Variants in CTTN observed in about 807,000 individuals in gnomAD.
CTTN encodes src substrate cortactin.
Under a neutral mutation model 84.0 loss-of-function variants are expected in CTTN, and 28 were observed. That is an observed-to-expected ratio of 0.33 (90% CI 0.25 to 0.46). The LOEUF is 0.46. Among genes scored for constraint, CTTN ranks in the 20% least tolerant of loss-of-function variants. The pLI, the probability that CTTN is intolerant of heterozygous loss-of-function variation, is 1.00. For synonymous variants in CTTN, 301 were observed against 288.8 expected (o/e 1.04, Z -0.43); for missense variants, 641 against 723.8 (o/e 0.89, Z 1.31).
At chr11:70,414,415 T>G in intron 5 of CTTN, 127 bp from the exon 6 acceptor site, 12 of 600,070 alleles carry the variant, frequency 2.0e-5, no homozygotes, top group Admixed American at 3.0e-5. Context: ...GCTCCCCAGA[T>G]GGGTGTGTTA....
Position 70,431,113 on chromosome 11 carries a change from G to A in CTTN, c.1177-78G>A, listed in dbSNP as rs551814089. 1.7e-5 allele frequency: 25 copies of A among 1,437,148 alleles called. No individual in the cohort carries two copies. In the East Asian group the frequency reaches 1.8e-4, roughly 10 times the overall value. 89.0% of individuals were successfully genotyped at this position (1,437,148 alleles called of 1,614,324 possible). ...CAGAGCATGCCTAGAGCTTGCACAC[G>A]ATCTTCTGAAACACGGCAGGCGTGA... On this transcript the variant is annotated intron_variant, in intron 14 of 17. Transcript: ENST00000301843.
chr11:70,424,463 C>G (rs921735016), intron 12 of CTTN, among the ~76,000 whole-genome samples: 2 of 151,968 alleles, frequency 1.3e-5, no homozygotes, highest in African/African-American at 4.8e-5. Flanking sequence ...GAGTCCAAGG[C>G]TTAGAGAGGG....
intron 14 of CTTN, among the ~76,000 whole-genome samples, chr11:70,429,980 G>A (rs559662527): frequency 6.6e-6 from 1 of 152,290 alleles, no homozygotes; most frequent in Admixed American, 6.5e-5. Flanking sequence ...CCCCTGCAGG[G>A]CCACACAGGA....
Position 70,417,137 on chromosome 11 carries a change from C to T in CTTN, c.568+14C>T. On this transcript the variant is annotated intron_variant, in intron 8 of 17. Coordinates refer to ENST00000301843, the MANE Select transcript of CTTN (RefSeq NM_005231.4). The stretch of plus-strand genomic sequence containing the variant: ...AGTCACAGAGAGGTGGGGCGGACCC[C>T]ACGGTCTGTAATCACGCGTTTGCTC... The T allele has an allele frequency of 6.2e-7, 1 of 1,602,308 alleles. No individual in the cohort carries two copies.
At chr11:70,427,066 T>C (rs1230688390) in intron 13 of CTTN, among the ~76,000 whole-genome samples, 3 of 150,314 alleles carry the variant, frequency 2.0e-5, no homozygotes, top group Non-Finnish European at 4.4e-5. Context: ...AGAATAAACC[T>C]TGGCCGGGTG....
intron 5 of CTTN, among the ~76,000 whole-genome samples, chr11:70,413,870 C>G (rs2058123976): frequency 6.6e-6 from 1 of 152,126 alleles, no homozygotes; most frequent in Non-Finnish European, 1.5e-5. Flanking sequence ...CACAGAGGTC[C>G]CACTTCAGTA....
At chr11:70,414,378 CTCCCAGGAG>C (rs1359869342) in intron 5 of CTTN, among the ~76,000 whole-genome samples, 155 bp from the exon 6 acceptor site, 1 of 151,564 alleles carries the variant, frequency 6.6e-6, no homozygotes, top group Non-Finnish European at 1.5e-5. Flanking sequence ...GGACCCGGGC[CTCCCAGGAG>C]TCGTGTCGCC....
chr11:70,409,642 G>A (rs2058077968), intron 4 of CTTN, among the ~76,000 whole-genome samples, 189 bp from the exon 5 acceptor site: 1 of 152,242 alleles, frequency 6.6e-6, no homozygotes, highest in Non-Finnish European at 1.5e-5. Flanking sequence ...ACTGCAGACT[G>A]CCGAAGTGGG....
In CTTN at chr11:70,435,012, G is replaced by C. The variant is rs372540489; in HGVS notation, c.1517-14G>C. ...CTTGCACTTCAGCATCTTTCTCTGTGTTCTCTTCCCCAGCGGGCGATGATG... is the reference window on the plus strand; with the variant it reads ...CTTGCACTTCAGCATCTTTCTCTGTCTTCTCTTCCCCAGCGGGCGATGATG... On this transcript the variant is annotated splice_polypyrimidine_tract_variant and intron_variant, in intron 17 of 17. Coordinates refer to ENST00000301843, the MANE Select transcript of CTTN (RefSeq NM_005231.4). 1.2e-5 allele frequency: 20 copies of C among 1,613,530 alleles called. No homozygotes were observed. The African/African-American group carries it at 2.4e-4, about 19-fold the overall frequency.
Position 70,428,907 on chromosome 11 carries a change from T to C in CTTN, c.1028-144T>C, listed in dbSNP as rs900848015. On this transcript the variant is annotated intron_variant, in intron 13 of 17. Coordinates refer to ENST00000301843, the MANE Select transcript of CTTN (RefSeq NM_005231.4). ...CTGGCTCCGGACCAGTGGGCTGAGCTGGCAGCTGCAAGAACCTTTCCCTCC... is the reference window on the plus strand; with the variant it reads ...CTGGCTCCGGACCAGTGGGCTGAGCCGGCAGCTGCAAGAACCTTTCCCTCC... 12 of 994,370 alleles carry C rather than the reference T, an allele frequency of 1.2e-5. No individual in the cohort carries two copies. The South Asian group carries it at 1.6e-4, about 13-fold the overall frequency. 61.6% of individuals were successfully genotyped at this position (994,370 alleles called of 1,614,324 possible). A position where few individuals can be genotyped will look rare whatever the true frequency, so the allele number is the denominator to read the frequency against.
intron 16 of CTTN, 56 bp from the exon 17 acceptor site, chr11:70,433,591 G>T: frequency 7.6e-7 from 1 of 1,317,394 alleles, no homozygotes; most frequent in Non-Finnish European, 1.1e-6. Flanking sequence ...ACTTGAGAAG[G>T]CTGGGAACCT....
chr11:70,429,345 T>G, intron 14 of CTTN, 146 bp downstream of exon 14: 1 of 865,380 alleles, frequency 1.2e-6, no homozygotes. Context: ...AGGCTCTCCA[T>G]TAAGGCACTT....
At chr11:70,416,869 A>T (rs1189614742) in intron 7 of CTTN, 144 bp from the exon 8 acceptor site, 12 of 668,304 alleles carry the variant, frequency 1.8e-5, no homozygotes. Flanking sequence ...TGTATGGAGC[A>T]GTGGGTGGCT....
intron 1 of CTTN, among the ~76,000 whole-genome samples, chr11:70,404,873 C>G (rs2058024903): frequency 6.6e-6 from 1 of 152,052 alleles, no homozygotes; most frequent in African/African-American, 2.4e-5. Flanking sequence ...GTGGTGGCGC[C>G]TGCCTGTAAT....
At position 70,436,115 on chromosome 11, in the gene CTTN, G is replaced by A. The variant is rs1200630703; in HGVS notation, c.*953G>A. Reference sequence around the variant, plus strand: ...GTGAGCCGCCAGGAACCCTCCTCCTGTCAATGGGGGTGTAGTATTTTTGCC... The same window carrying A: ...GTGAGCCGCCAGGAACCCTCCTCCTATCAATGGGGGTGTAGTATTTTTGCC... On this transcript the variant is annotated 3_prime_UTR_variant, in exon 18 of 18. Coordinates refer to ENST00000301843, the MANE Select transcript of CTTN (RefSeq NM_005231.4). 1 of 1,430,990 alleles carries A rather than the reference G, an allele frequency of 7.0e-7. No homozygotes were observed. The highest frequency in any genetic ancestry group is 1.4e-5 in the African/African-American group (1 of 69,592). 88.6% of individuals were successfully genotyped at this position (1,430,990 alleles called of 1,614,324 possible).
rs149715091 is a variant in CTTN, at chr11:70,414,878, C to T, written c.402+226C>T. On this transcript the variant is annotated intron_variant, in intron 6 of 17. Transcript: ENST00000301843. The stretch of plus-strand genomic sequence containing the variant: ...TAGCAGTCCCTGCGGTCGCTCTTCA[C>T]TACGTGCCTCAGTACTGGATGGCCC... Among the ~76,000 whole-genome samples the T allele has an allele frequency of 3.9e-5, 6 of 152,310 alleles. No individual in the cohort carries two copies. The East Asian group carries it at 1.2e-3, about 29-fold the overall frequency.
At position 70,399,915 on chromosome 11, in the gene CTTN, G is replaced by GC. The variant is rs548542786; in HGVS notation, c.-98+1303dup. On this transcript the variant is annotated intron_variant, in intron 1 of 17. Transcript: ENST00000301843. Reference sequence around the variant, plus strand: ...GCCCTCAAGCCCGGCCGGGCCCAAGGCCGTGGCGCAGGAGGGGCTGGCCGC... The same window carrying GC: ...GCCCTCAAGCCCGGCCGGGCCCAAGGCCCGTGGCGCAGGAGGGGCTGGCCGC... Among the ~76,000 whole-genome samples, 44 of 152,316 alleles carry GC rather than the reference G, an allele frequency of 2.9e-4. No homozygotes were observed. In the South Asian group the frequency reaches 8.5e-3, roughly 29 times the overall value.
At chr11:70,406,251 G>A (rs2058040352) in intron 2 of CTTN, among the ~76,000 whole-genome samples, 1 of 152,154 alleles carries the variant, frequency 6.6e-6, no homozygotes, top group Admixed American at 6.5e-5. Flanking sequence ...TGTCACATTG[G>A]ATTTGGACTT....
intron 5 of CTTN, chr11:70,410,377 C>T (rs2058084928): frequency 5.5e-6 from 1 of 180,376 alleles, no homozygotes. Context: ...CACACGGAAT[C>T]CAGCCAAAGG....
Sources: gnomAD v4.1 joint callset for allele counts (sites outside exome capture counted in the v4.1 genomes callset) on GRCh38, gnomAD v4.1.1 for gene constraint, MANE v1.5 for transcripts, NCBI Gene and HGNC (gene_info 2026-07-23, HGNC 2026-07-21) for gene names.